The following CALN1 variants were observed in gnomAD, a reference collection of about 807,000 sequenced individuals.
CALN1 encodes calneuron 1, also known as calcium-binding protein 8.
CALN1 carries 17 observed loss-of-function variants against 30.6 expected under a neutral mutation model. That is an observed-to-expected ratio of 0.56 (90% CI 0.38 to 0.83). The LOEUF (loss-of-function observed/expected upper bound fraction) is 0.83. Among genes scored for constraint, CALN1 ranks in the 40% least tolerant of loss-of-function variants. CALN1 has a pLI of 0.00. For synonymous variants in CALN1, 156 were observed against 131.4 expected, an observed-to-expected ratio of 1.19 and a Z score of -1.28; for missense variants, 291 against 354.9, an observed-to-expected ratio of 0.82 and a Z score of 1.45.
chr7:71,872,608 CTTTCT>C (rs1417447283), intron 5 of CALN1, among the ~76,000 whole-genome samples: 9 of 139,434 alleles, frequency 6.5e-5, no homozygotes, highest in African/African-American at 2.5e-4. Context: ...ATTTACTTTT[CTTTCT>C]TTTTTTCTTT....
At chr7:72,479,120 T>C in the CALN1 span, among the ~76,000 whole-genome samples, 1 of 152,110 alleles carries the variant, frequency 6.6e-6, no homozygotes, top group Admixed American at 6.6e-5. Context: ...GACCTCGTGA[T>C]CCGCCCACCT....
rs955331612 is a variant in CALN1 at position 71,853,602 on chromosome 7, C to T, written c.502-43110G>A. ...TTAATTTTTTTTTTTTTATTTGAGA[C>T]AGGGTCTTGCTCTGTCAGCCAGGCT... is the stretch of plus-strand genomic sequence containing the variant. On this transcript the variant is annotated intron_variant, in intron 5 of 6. Coordinates refer to ENST00000395275, the MANE Select transcript of CALN1 (RefSeq NM_031468.4). Among the ~76,000 whole-genome samples the T allele has an allele frequency of 3.3e-5, 5 of 151,138 alleles. No individual in the cohort carries two copies. In the East Asian group the frequency reaches 9.8e-4, roughly 30 times the overall value.
At chr7:72,213,793 G>C (rs541218133) in intron 3 of CALN1, among the ~76,000 whole-genome samples, 1 of 152,282 alleles carries the variant, frequency 6.6e-6, no homozygotes, top group African/African-American at 2.4e-5. Flanking sequence ...CAGGGAGGGA[G>C]AAGGATGCAC....
intron 3 of CALN1, among the ~76,000 whole-genome samples, chr7:72,133,311 C>A (rs918883756): frequency 2.6e-5 from 4 of 152,140 alleles, no homozygotes; most frequent in Non-Finnish European, 5.9e-5. Flanking sequence ...ATTTAAGAAC[C>A]AGCTTGAAGA....
At chr7:72,142,535 C>T (rs1375589378) in intron 3 of CALN1, among the ~76,000 whole-genome samples, 2 of 152,238 alleles carry the variant, frequency 1.3e-5, no homozygotes, top group Non-Finnish European at 2.9e-5. Context: ...CCTCTGGAGA[C>T]TCCACCTCTG....
intron 5 of CALN1, among the ~76,000 whole-genome samples, chr7:71,976,835 A>G (rs1395536402): frequency 6.6e-6 from 1 of 152,160 alleles, no homozygotes; most frequent in East Asian, 1.9e-4. Flanking sequence ...GAGCCTGCTG[A>G]TGTCACAACC....
intron 5 of CALN1, among the ~76,000 whole-genome samples, chr7:71,963,991 G>A (rs936985627): frequency 5.3e-5 from 8 of 152,090 alleles, no homozygotes; most frequent in Non-Finnish European, 7.4e-5. Context: ...TTCAATGTCC[G>A]TGTATTTAAA....
Position 72,070,750 on chromosome 7 carries a change from C to T in CALN1, c.388+35401G>A, listed in dbSNP as rs118090539. 2.8e-4 allele frequency among the ~76,000 whole-genome samples: 42 copies of T among 151,796 alleles called. 1 individual carries two copies. The East Asian group carries it at 4.4e-3, about 16-fold the overall frequency. ...TACTTACAACATTATAGATTTTAAT[C>T]TCGTCCCCCTGTTAGACTTTGCCAC... On this transcript the variant is annotated intron_variant, in intron 4 of 6. Transcript: ENST00000395275.
intron 5 of CALN1, among the ~76,000 whole-genome samples, chr7:71,904,566 G>T (rs1239761479): frequency 6.6e-6 from 1 of 152,108 alleles, no homozygotes. Flanking sequence ...AAGGAGATGG[G>T]GAGATACTGG....
chr7:72,244,555 T>A (rs559672625), intron 3 of CALN1, among the ~76,000 whole-genome samples: 1 of 150,186 alleles, frequency 6.7e-6, no homozygotes, highest in African/African-American at 2.5e-5. Flanking sequence ...GCACAGAGAA[T>A]GAATTCCTTT....
intron 5 of CALN1, among the ~76,000 whole-genome samples, chr7:71,971,812 CA>C (rs1447112717): frequency 6.6e-6 from 1 of 150,630 alleles, no homozygotes; most frequent in Non-Finnish European, 1.5e-5. Context: ...ATGGGAGGAT[CA>C]CCAGAGCCTG....
At chr7:72,161,895 A>G (rs1296366902) in intron 3 of CALN1, among the ~76,000 whole-genome samples, 1 of 152,024 alleles carries the variant, frequency 6.6e-6, no homozygotes, top group Non-Finnish European at 1.5e-5. Flanking sequence ...TATCCTGCAC[A>G]TGTAGCCCTG....
chr7:71,872,812 C>T (rs1240436468), intron 5 of CALN1, among the ~76,000 whole-genome samples: 1 of 151,664 alleles, frequency 6.6e-6, no homozygotes, highest in Non-Finnish European at 1.5e-5. Context: ...CAGGGTTTCA[C>T]CATGTTGGCC....
intron 2 of CALN1, among the ~76,000 whole-genome samples, chr7:72,338,470 AGTGTGTGTGTGTGTGTGTGTGT>A (rs56695086): frequency 0.015 from 1,149 of 74,794 alleles, 29 homozygotes; most frequent in African/African-American, 0.045. Flanking sequence ...CCAGCAGCAC[AGTGTGTGTGTGTGTGTGTGTGT>A]GTGTGTGTGT....
Position 71,942,056 on chromosome 7 carries a change from G to A in CALN1, c.501+81601C>T, listed in dbSNP as rs1030022261. On this transcript the variant is annotated intron_variant, in intron 5 of 6. Transcript: ENST00000395275. ...TCTACTAAAAATACAAAAAGTAGCC[G>A]GGCGTGGTGGTGCACACCTGTAGTC... is the stretch of plus-strand genomic sequence containing the variant. Among the ~76,000 whole-genome samples, 7 of 152,066 alleles carry A rather than the reference G, an allele frequency of 4.6e-5. No homozygotes were observed. In the East Asian group the frequency reaches 5.8e-4, roughly 13 times the overall value.
intron 3 of CALN1, among the ~76,000 whole-genome samples, chr7:72,108,672 A>G (rs1031566833): frequency 1.3e-5 from 2 of 152,122 alleles, no homozygotes; most frequent in Non-Finnish European, 2.9e-5. Context: ...TCGTCTATAC[A>G]TTCCTTCCCT....
At chr7:72,095,233 CTAAG>C (rs1806136594) in intron 4 of CALN1, among the ~76,000 whole-genome samples, 1 of 152,074 alleles carries the variant, frequency 6.6e-6, no homozygotes, top group South Asian at 2.1e-4. Flanking sequence ...TTTGTGAGGA[CTAAG>C]TAAGTTAATA....
intron 2 of CALN1, among the ~76,000 whole-genome samples, chr7:72,376,482 C>A (rs1165636502): frequency 6.6e-6 from 1 of 152,182 alleles, no homozygotes; most frequent in Non-Finnish European, 1.5e-5. Context: ...GAGCATCTTT[C>A]ATGTGCTTAC....
intron 2 of CALN1, among the ~76,000 whole-genome samples, chr7:72,349,864 T>G (rs1802832384): frequency 6.6e-6 from 1 of 152,184 alleles, no homozygotes; most frequent in Non-Finnish European, 1.5e-5. Flanking sequence ...ATTTTACAAA[T>G]ATTTTCTCCC....
Sources: gnomAD v4.1 joint callset for allele counts (sites outside exome capture counted in the v4.1 genomes callset) on GRCh38, gnomAD v4.1.1 for gene constraint, MANE v1.5 for transcripts, NCBI Gene and HGNC (gene_info 2026-07-23, HGNC 2026-07-21) for gene names.